KIF14: variants seen among roughly 807,000 people sequenced by gnomAD.
KIF14 encodes the protein kinesin-like protein KIF14.
Under a neutral mutation model 176.2 loss-of-function variants are expected in KIF14, and 98 were observed. That is an observed-to-expected ratio of 0.56 (90% CI 0.47 to 0.66). The LOEUF (loss-of-function observed/expected upper bound fraction) is 0.66, where lower values mean the gene tolerates loss of function less well. KIF14 is among the 30% of genes least tolerant of loss of function. The probability of loss-of-function intolerance (pLI) is 0.00; values close to 1 mark genes in which losing one functional copy is unlikely to be tolerated. For synonymous variants in KIF14, 566 were observed against 632.2 expected (o/e 0.90, Z 1.57); for missense variants, 1,751 against 1,920.4 (o/e 0.91, Z 1.65).
At chr1:200,603,374 A>T (rs1346251028) in intron 9 of KIF14, 33 bp from the exon 10 acceptor site, 1 of 998,078 alleles carries the variant, frequency 1.0e-6, no homozygotes, top group African/African-American at 1.6e-5. Flanking sequence ...TTTTAACTTA[A>T]AATACTTCTC....
chr1:200,578,107 G>A (rs1658233746), intron 21 of KIF14, among the ~76,000 whole-genome samples: 1 of 151,854 alleles, frequency 6.6e-6, no homozygotes, highest in Non-Finnish European at 1.5e-5. Flanking sequence ...AGTTTTATAG[G>A]TAACATACTT....
chr1:200,570,604 G>A (rs1657728706), intron 22 of KIF14, among the ~76,000 whole-genome samples: 1 of 152,200 alleles, frequency 6.6e-6, no homozygotes, highest in African/African-American at 2.4e-5. Context: ...AGAGAGAGTA[G>A]CAAGGGATTA....
At position 200,618,445 on chromosome 1, in the gene KIF14, T is replaced by A; in HGVS notation, c.279A>T (p.Arg93Ser). 1 of 1,614,180 alleles carries A rather than the reference T, an allele frequency of 6.2e-7. No homozygotes were observed. The highest frequency in any genetic ancestry group is 8.5e-7 in the Non-Finnish European group (1 of 1,180,022). Residue 93 changes from arginine to serine, a missense_variant, in exon 2 of 30, where the codon AGA (arginine) becomes AGT (serine). Transcript: ENST00000367350. The part of the protein sequence containing the change: ...NPVGRLALQR[R>S]TTRNKESSLL... Reference sequence around the variant, plus strand: ...AAGATGATTCTTTGTTCCTTGTAGTTCTCCTCTGAAGTGCCAATCTACCTA... The same window carrying A: ...AAGATGATTCTTTGTTCCTTGTAGTACTCCTCTGAAGTGCCAATCTACCTA...
chr1:200,606,779 G>A lies in KIF14; in HGVS notation c.1574C>T (p.Pro525Leu), dbSNP rs1659903543. Residue 525 changes from proline to leucine, a missense_variant, in exon 6 of 30, where the codon CCT becomes CTT. Physicochemically the swap from Pro to Leu is moderately conservative, Grantham distance 98 (BLOSUM62 -3). Transcript: ENST00000367350. The stretch of plus-strand genomic sequence containing the variant: ...TGCTTCAACATATGGTCCATAAACA[G>A]GATGTTCCCTCACTCTCAGCTAGAA... ...RKQPLRVREH[P>L]VYGPYVEALS... The A allele has an allele frequency of 6.2e-7, 1 of 1,613,372 alleles. No homozygotes were observed. The highest frequency in any genetic ancestry group is 8.5e-7 in the Non-Finnish European group (1 of 1,179,678).
chr1:200,603,531 C>T (rs1000760112), intron 9 of KIF14, among the ~76,000 whole-genome samples, 190 bp from the exon 10 acceptor site: 1 of 151,796 alleles, frequency 6.6e-6, no homozygotes, highest in Non-Finnish European at 1.5e-5. Context: ...ACTGTAGCCT[C>T]GACCATCCAG....
chr1:200,618,013 C>T lies in KIF14; in HGVS notation c.711G>A (p.Thr237=), dbSNP rs772474712. 24 of 1,614,044 alleles carry T rather than the reference C, an allele frequency of 1.5e-5. No individual in the cohort carries two copies. Among genetic ancestry groups the T allele is most frequent in the South Asian group, 8.8e-5 (8 of 91,090 alleles). Reference sequence around the variant, plus strand: ...TATCCAACTTGCTCTGAGTAGGTTTCGTTGTCAAGTGTCCTGATCTAACAA... The same window carrying T: ...TATCCAACTTGCTCTGAGTAGGTTTTGTTGTCAAGTGTCCTGATCTAACAA... ...TEVVRSGHLT[T]KPTQSKLDIK... The change falls in exon 2 of 30, where the codon ACG becomes ACA. Residue 237 remains threonine (T), a synonymous_variant. Transcript: ENST00000367350.
chr1:200,608,495 T>G (rs1261939964), intron 5 of KIF14, among the ~76,000 whole-genome samples: 1 of 151,924 alleles, frequency 6.6e-6, no homozygotes, highest in African/African-American at 2.4e-5. Context: ...CTGGAGAAGC[T>G]GGGACTATAG....
At chr1:200,575,480 C>T (rs552805853) in intron 22 of KIF14, 111 bp downstream of exon 22, 65 of 475,962 alleles carry the variant, frequency 1.4e-4, no homozygotes, top group African/African-American at 6.8e-4. Flanking sequence ...ATCATGACAA[C>T]GGTTCTTTTA....
intron 23 of KIF14, 59 bp from the exon 24 acceptor site, chr1:200,565,728 T>TA: frequency 5.5e-6 from 6 of 1,098,606 alleles, no homozygotes; most frequent in East Asian, 2.5e-5. Context: ...CTTTCTTTTT[T>TA]AAAAAAAGGG....
rs1657404884 is a variant in KIF14 at position 200,565,594 on chromosome 1, A to G, written c.3737T>C (p.Ile1246Thr). The change falls in exon 24 of 30, where the codon ATT becomes ACT. Residue 1246 changes from isoleucine (I) to threonine (T), a missense_variant. Ile to Thr is a moderately conservative substitution (Grantham distance 89). Coordinates refer to ENST00000367350, the MANE Select transcript of KIF14 (RefSeq NM_014875.3). ...TCCAAAAAAATCTAACGAAGAACCA[A>G]TCAATTCTTTGCAAATTCCAGGAAG... ...SFLPGICKEL[I>T]GSSLDFFGQS... 1 of 1,612,244 alleles carries G rather than the reference A, an allele frequency of 6.2e-7. No individual in the cohort carries two copies.
rs938634945 is a variant in KIF14 at position 200,617,965 on chromosome 1, G to C, written c.759C>G (p.Asn253Lys). Residue 253 changes from asparagine to lysine, a missense_variant, in exon 2 of 30, where the codon AAC becomes AAG. Coordinates refer to ENST00000367350, the MANE Select transcript of KIF14 (RefSeq NM_014875.3). ...CCTTCCCAATACTTCTATGATACAA[G>C]TTTCCTGTTCCCAACACTTTGATAT... Reference protein sequence around the residue: ...KLDIKVLGTGNLYHRSIGKEI... With the variant: ...KLDIKVLGTGKLYHRSIGKEI... The C allele has an allele frequency of 6.2e-7, 1 of 1,613,822 alleles. No individual in the cohort carries two copies. The highest frequency in any genetic ancestry group is 2.2e-5 in the East Asian group (1 of 44,892).
chr1:200,600,715 T>C (rs938702594), intron 11 of KIF14, among the ~76,000 whole-genome samples: 2 of 152,156 alleles, frequency 1.3e-5, no homozygotes, highest in African/African-American at 2.4e-5. Flanking sequence ...TTAATGAACT[T>C]TCCCTGTTCA....
At chr1:200,558,601 C>T (rs1272981072) in intron 27 of KIF14, among the ~76,000 whole-genome samples, 1 of 151,938 alleles carries the variant, frequency 6.6e-6, no homozygotes, top group Non-Finnish European at 1.5e-5. Flanking sequence ...AAGTACAAAC[C>T]CATTATAGAA....
rs1313561711 is a variant in KIF14, at chr1:200,559,456, G to C, written c.4231-4C>G. On this transcript the variant is annotated splice_polypyrimidine_tract_variant and splice_region_variant and intron_variant, in intron 26 of 29. Transcript: ENST00000367350. ...AAACAGCATCCATGAATTCCTCCTA[G>C]AAAAAGAATTTAAGCATTAACTAGA... 1.4e-6 allele frequency: 2 copies of C among 1,467,356 alleles called. No homozygotes were observed. Among genetic ancestry groups the C allele is most frequent in the Admixed American group, 4.9e-5 (2 of 41,032 alleles). 90.9% of individuals were successfully genotyped at this position (1,467,356 alleles called of 1,614,324 possible).
chr1:200,560,492 G>A lies in KIF14; in HGVS notation c.4230+230C>T, dbSNP rs781361536. Among the ~76,000 whole-genome samples the A allele has an allele frequency of 4.1e-4, 63 of 152,046 alleles. 2 individuals carry two copies. The highest frequency in any genetic ancestry group is 1.6e-3 in the Admixed American group (25 of 15,264). On this transcript the variant is annotated intron_variant, in intron 26 of 29. Transcript: ENST00000367350. Reference sequence around the variant, plus strand: ...TTCGCCTATTGGCCAGGCTGATCTCGAACTCCTGACCTCAAGTGATCCACC... The same window carrying A: ...TTCGCCTATTGGCCAGGCTGATCTCAAACTCCTGACCTCAAGTGATCCACC...
chr1:200,606,616 CTAAA>C lies in KIF14; in HGVS notation c.1607+126_1607+129del, dbSNP rs10577607. 0.33 allele frequency: 265,195 copies of C among 804,532 alleles called. 44,986 individuals carry two copies. The highest frequency in any genetic ancestry group is 0.35 in the African/African-American group (20,937 of 59,340). The allele number at this position is 804,532 out of a possible 1,614,324, so 49.8% of individuals were successfully genotyped here. A position where few individuals can be genotyped will look rare whatever the true frequency, so the allele number is the denominator to read the frequency against. ...ATTGGACAATATCAAGGGTAGAAGG[CTAAA>C]TAAATAGTTACCCAGGGTTTCAAAG... On this transcript the variant is annotated intron_variant, in intron 6 of 29. Coordinates refer to ENST00000367350, the MANE Select transcript of KIF14 (RefSeq NM_014875.3).
At position 200,618,318 on chromosome 1, in the gene KIF14, C is replaced by G. The variant is rs1271958046; in HGVS notation, c.406G>C (p.Ala136Pro). The G allele has an allele frequency of 6.2e-7, 1 of 1,613,938 alleles. No homozygotes were observed. Among genetic ancestry groups the G allele is most frequent in the Admixed American group, 1.7e-5 (1 of 60,008 alleles). ...KTDSAEKWKT[A>P]EIDSVKMTLN... ...GTCATTTTGACAGAATCTATTTCAGCTGTTTTCCACTTTTCTGCAGAATCT... is the reference window on the plus strand; with the variant it reads ...GTCATTTTGACAGAATCTATTTCAGGTGTTTTCCACTTTTCTGCAGAATCT... The change falls in exon 2 of 30, where the codon GCT becomes CCT. Residue 136 changes from alanine to proline, a missense_variant. Transcript: ENST00000367350.
At chr1:200,577,009 T>C (rs1658154285) in intron 21 of KIF14, among the ~76,000 whole-genome samples, 1 of 152,058 alleles carries the variant, frequency 6.6e-6, no homozygotes, top group Non-Finnish European at 1.5e-5. Context: ...TTCAGATTTT[T>C]GGTAAAAGAG....
chr1:200,581,133 A>AAAAAT, intron 20 of KIF14, 68 bp downstream of exon 20: 1 of 774,804 alleles, frequency 1.3e-6, no homozygotes, highest in Non-Finnish European at 2.0e-6. Flanking sequence ...AAAAAAAAAA[A>AAAAAT]GAGAAACTAA....
Sources: gnomAD v4.1 joint callset for allele counts (sites outside exome capture counted in the v4.1 genomes callset) on GRCh38, gnomAD v4.1.1 for gene constraint, MANE v1.5 for transcripts, NCBI Gene and HGNC (gene_info 2026-07-23, HGNC 2026-07-21) for gene names.